Variants in CNTNAP2 observed in about 807,000 individuals in gnomAD.
The protein encoded by CNTNAP2 is contactin associated protein 2.
Under a neutral mutation model 155.2 loss-of-function variants are expected in CNTNAP2, and 98 were observed. The ratio of observed to expected loss-of-function variants is 0.63; its 90% CI spans 0.54 to 0.75. The LOEUF is 0.75. CNTNAP2 is among the 30% of genes least tolerant of loss of function. The pLI is 0.00. For synonymous variants in CNTNAP2, 651 were observed against 631.2 expected, an observed-to-expected ratio of 1.03 and a Z score of -0.47; for missense variants, 1,727 against 1,688.1, an observed-to-expected ratio of 1.02 and a Z score of -0.40.
At chr7:146,714,525 G>A (rs1300714113) in intron 1 of CNTNAP2, among the ~76,000 whole-genome samples, 1 of 151,866 alleles carries the variant, frequency 6.6e-6, no homozygotes, top group African/African-American at 2.4e-5. Context: ...GTAAACTTAG[G>A]GTTAACAAAC....
chr7:146,213,861 G>C (rs765914194), intron 1 of CNTNAP2, among the ~76,000 whole-genome samples: 3 of 152,120 alleles, frequency 2.0e-5, no homozygotes, highest in Non-Finnish European at 4.4e-5. Flanking sequence ...GAATTCAGAG[G>C]ATTCGGTTAC....
intron 16 of CNTNAP2, among the ~76,000 whole-genome samples, chr7:148,127,981 C>T (rs1473373492): frequency 6.6e-6 from 1 of 152,120 alleles, no homozygotes; most frequent in Non-Finnish European, 1.5e-5. Flanking sequence ...GTGATCCTCT[C>T]ACCTCAGCCT....
intron 1 of CNTNAP2, among the ~76,000 whole-genome samples, chr7:146,193,541 T>C (rs1798736742): frequency 6.6e-6 from 1 of 152,184 alleles, no homozygotes; most frequent in African/African-American, 2.4e-5. Flanking sequence ...TTTTTAGCCA[T>C]GGCTGGAGCA....
At chr7:146,246,565 A>G (rs987429019) in intron 1 of CNTNAP2, among the ~76,000 whole-genome samples, 1 of 150,754 alleles carries the variant, frequency 6.6e-6, no homozygotes, top group African/African-American at 2.5e-5. Context: ...GGACAGACTT[A>G]CCCTCCACTG....
chr7:146,778,546 T>C (rs2129186647), intron 2 of CNTNAP2, among the ~76,000 whole-genome samples: 1 of 152,336 alleles, frequency 6.6e-6, no homozygotes, highest in East Asian at 1.9e-4. Flanking sequence ...TTTTAATCCA[T>C]CGAAGGCTTC....
At chr7:148,198,898 A>G (rs913351566) in intron 18 of CNTNAP2, among the ~76,000 whole-genome samples, 1 of 152,226 alleles carries the variant, frequency 6.6e-6, no homozygotes, top group Non-Finnish European at 1.5e-5. Context: ...CCATCTAGAA[A>G]TTAGTCTCAT....
chr7:147,085,046 A>G (rs1379805966), intron 4 of CNTNAP2, among the ~76,000 whole-genome samples: 1 of 152,022 alleles, frequency 6.6e-6, no homozygotes, highest in Non-Finnish European at 1.5e-5. Flanking sequence ...TGAGAAAAGC[A>G]TTTTTTCTCC....
At chr7:147,683,008 A>G (rs1217260676) in intron 13 of CNTNAP2, among the ~76,000 whole-genome samples, 1 of 151,912 alleles carries the variant, frequency 6.6e-6, no homozygotes, top group East Asian at 1.9e-4. Context: ...AAGGGCTCTA[A>G]TGATCCTACT....
intron 1 of CNTNAP2, among the ~76,000 whole-genome samples, chr7:146,435,284 A>T (rs1522227): frequency 0.036 from 5,417 of 152,202 alleles, 337 homozygotes; most frequent in African/African-American, 0.12. Flanking sequence ...AAACTTTTTT[A>T]ACTTATAATT....
chr7:146,663,782 C>T (rs1186135049), intron 1 of CNTNAP2, among the ~76,000 whole-genome samples: 1 of 152,124 alleles, frequency 6.6e-6, no homozygotes, highest in Non-Finnish European at 1.5e-5. Context: ...ATATACGCCA[C>T]CATGTCTACT....
chr7:146,950,903 CCCA>C (rs1797297930), intron 3 of CNTNAP2, among the ~76,000 whole-genome samples: 2 of 152,286 alleles, frequency 1.3e-5, no homozygotes, highest in East Asian at 3.9e-4. Flanking sequence ...AATTTACGCT[CCCA>C]CCAACAGTGT....
rs1776330739 is a variant in CNTNAP2 at position 148,416,840 on chromosome 7, G to GGTACCTGTTGCTTCCCA, written c.*1226_*1242dup. On this transcript the variant is annotated 3_prime_UTR_variant, in exon 24 of 24. Coordinates refer to ENST00000361727, the MANE Select transcript of CNTNAP2 (RefSeq NM_014141.6). ...TGAACCTCAGGTTCATCACAAACCT[G>GGTACCTGTTGCTTCCCA]GTACCTGTTGCTTCCCAGAGGATGG... The GGTACCTGTTGCTTCCCA allele has an allele frequency of 6.6e-6, 1 of 152,594 alleles. No individual in the cohort carries two copies. Among genetic ancestry groups the GGTACCTGTTGCTTCCCA allele is most frequent in the African/African-American group, 2.4e-5 (1 of 41,432 alleles). 9.5% of individuals were successfully genotyped at this position (152,594 alleles called of 1,614,324 possible). A position where few individuals can be genotyped will look rare whatever the true frequency, so the allele number is the denominator to read the frequency against.
chr7:146,626,237 T>G (rs1449793016), intron 1 of CNTNAP2, among the ~76,000 whole-genome samples: 1 of 152,158 alleles, frequency 6.6e-6, no homozygotes, highest in Non-Finnish European at 1.5e-5. Flanking sequence ...TAAAGCAAAA[T>G]GGTATTTCAC....
At chr7:146,722,666 T>G (rs1168348297) in intron 1 of CNTNAP2, among the ~76,000 whole-genome samples, 1 of 151,878 alleles carries the variant, frequency 6.6e-6, no homozygotes, top group Non-Finnish European at 1.5e-5. Flanking sequence ...AAAATTACAA[T>G]TATGGGTTAG....
intron 14 of CNTNAP2, among the ~76,000 whole-genome samples, chr7:147,967,112 A>G (rs1801229186): frequency 6.6e-6 from 1 of 152,198 alleles, no homozygotes; most frequent in African/African-American, 2.4e-5. Flanking sequence ...CTACACATCA[A>G]GCATTCCCTC....
chr7:147,251,555 A>G (rs373054187), intron 8 of CNTNAP2, among the ~76,000 whole-genome samples: 1 of 152,280 alleles, frequency 6.6e-6, no homozygotes, highest in Admixed American at 6.5e-5. Flanking sequence ...ACTAAAGAGA[A>G]TTACCTCCTC....
At chr7:146,736,721 G>A (rs1016391768) in intron 1 of CNTNAP2, among the ~76,000 whole-genome samples, 1 of 152,126 alleles carries the variant, frequency 6.6e-6, no homozygotes, top group Non-Finnish European at 1.5e-5. Context: ...ATGCATTACA[G>A]TTTATGGACA....
At chr7:147,577,012 A>G (rs1406615734) in intron 12 of CNTNAP2, among the ~76,000 whole-genome samples, 1 of 152,134 alleles carries the variant, frequency 6.6e-6, no homozygotes, top group African/African-American at 2.4e-5. Flanking sequence ...CACATAGCCT[A>G]TGAGTTGACT....
intron 1 of CNTNAP2, among the ~76,000 whole-genome samples, chr7:146,214,078 A>G (rs1296407946): frequency 1.3e-5 from 2 of 152,202 alleles, no homozygotes; most frequent in Non-Finnish European, 1.5e-5. Flanking sequence ...GCAAGTGCCT[A>G]CACAATATAT....
Sources: allele counts gnomAD v4.1 joint callset (sites outside exome capture counted in the v4.1 genomes callset), GRCh38; gene constraint gnomAD v4.1.1; transcripts MANE v1.5; gene names NCBI Gene and HGNC (gene_info 2026-07-23, HGNC 2026-07-21).